The following DIS3L2 variants were observed in gnomAD, a reference collection of about 807,000 sequenced individuals.
DIS3L2 encodes the protein DIS3-like exonuclease 2.
DIS3L2 carries 34 observed loss-of-function variants against 97.5 expected under a neutral mutation model. The ratio of observed to expected loss-of-function variants is 0.35; its 90% CI spans 0.27 to 0.46. The LOEUF (loss-of-function observed/expected upper bound fraction) is 0.46, where lower values mean the gene tolerates loss of function less well. DIS3L2 is among the 20% of genes least tolerant of loss of function. The pLI, the probability that DIS3L2 is intolerant of heterozygous loss-of-function variation, is 1.00. For synonymous variants in DIS3L2, 435 were observed against 445.2 expected (o/e 0.98, Z 0.29); for missense variants, 1,038 against 1,146.0 (o/e 0.91, Z 1.36).
chr2:232,169,996 A>G (rs1233130608), intron 9 of DIS3L2, among the ~76,000 whole-genome samples: 2 of 152,148 alleles, frequency 1.3e-5, no homozygotes, highest in Non-Finnish European at 2.9e-5. Flanking sequence ...AGCCCTCCTG[A>G]TTGGGGTCAC....
rs537106330 is a variant in DIS3L2, at chr2:231,980,709, A to AG, written c.-94+18944_-94+18945insG. Among the ~76,000 whole-genome samples the AG allele has an allele frequency of 3.5e-3, 533 of 150,374 alleles. 3 individuals are homozygous for AG. The highest frequency in any genetic ancestry group is 7.9e-3 in the African/African-American group (323 of 41,066). ...CAAGACTCCGTCTCGAGAGAGAGAGAAAAAAAAAAGATAAGCTTGTTAATT... is the reference window on the plus strand; with the variant it reads ...CAAGACTCCGTCTCGAGAGAGAGAGAGAAAAAAAAAGATAAGCTTGTTAATT... On this transcript the variant is annotated intron_variant, in intron 1 of 20. Transcript: ENST00000325385.
At chr2:232,017,753 G>T (rs932360496) in intron 3 of DIS3L2, among the ~76,000 whole-genome samples, 1 of 152,154 alleles carries the variant, frequency 6.6e-6, no homozygotes, top group Admixed American at 6.6e-5. Flanking sequence ...TTCTCCTGCT[G>T]CCTTGATGTA....
chr2:232,146,366 A>G (rs1414741634), intron 8 of DIS3L2, among the ~76,000 whole-genome samples: 3 of 152,186 alleles, frequency 2.0e-5, no homozygotes, highest in Non-Finnish European at 4.4e-5. Flanking sequence ...AATAGTTTGT[A>G]GTAGGATGCT....
Position 232,333,979 on chromosome 2 carries a change from C to T in DIS3L2, c.2150C>T (p.Ala717Val). The change falls in exon 17 of 21, where the codon GCC becomes GTC. Residue 717 changes from alanine (A) to valine (V), a missense_variant. By Grantham distance (64) the Ala-to-Val change is moderately conservative (BLOSUM62 0). Coordinates refer to ENST00000325385, the MANE Select transcript of DIS3L2 (RefSeq NM_152383.5). ...ADVLVHRLLAAALGYRERLDM... is the reference protein window; with the variant it reads ...ADVLVHRLLAVALGYRERLDM... ...GTCCTGGTGCACCGCCTCCTGGCTG[C>T]CGCGTTAGGTGAGGGGTGCAGTCGG... 2 of 1,610,598 alleles carry T rather than the reference C, an allele frequency of 1.2e-6. No individual in the cohort carries two copies. Among genetic ancestry groups the T allele is most frequent in the South Asian group, 1.1e-5 (1 of 90,786 alleles).
rs527252980 is a variant in DIS3L2 at position 231,998,733 on chromosome 2, T to C, written c.-93-16102T>C. On this transcript the variant is annotated intron_variant, in intron 1 of 20. Coordinates refer to ENST00000325385, the MANE Select transcript of DIS3L2 (RefSeq NM_152383.5). ...GATGAATACACATTAATTAGTATGA[T>C]GATGGTTGCCAATGGTAATTTTCTA... Among the ~76,000 whole-genome samples the C allele has an allele frequency of 2.6e-5, 4 of 152,344 alleles. No homozygotes were observed. In the South Asian group the frequency reaches 8.3e-4, roughly 32 times the overall value.
intron 10 of DIS3L2, among the ~76,000 whole-genome samples, chr2:232,216,169 G>A (rs900217639): frequency 6.6e-6 from 1 of 152,098 alleles, no homozygotes; most frequent in African/African-American, 2.4e-5. Context: ...CTCACTTCCC[G>A]TGTATTCCTT....
At chr2:232,073,057 T>G (rs941269760) in intron 5 of DIS3L2, among the ~76,000 whole-genome samples, 1 of 152,180 alleles carries the variant, frequency 6.6e-6, no homozygotes, top group Non-Finnish European at 1.5e-5. Flanking sequence ...TAAATGATAG[T>G]GCCCATAGTT....
chr2:232,000,952 C>T (rs1207614142), intron 1 of DIS3L2, among the ~76,000 whole-genome samples: 1 of 151,624 alleles, frequency 6.6e-6, no homozygotes, highest in Non-Finnish European at 1.5e-5. Flanking sequence ...AATCCATTCA[C>T]CCTTGCTGAG....
intron 11 of DIS3L2, among the ~76,000 whole-genome samples, chr2:232,247,643 G>GGGGGGA (rs1693298399): frequency 1.9e-5 from 1 of 53,836 alleles, no homozygotes; most frequent in African/African-American, 6.1e-5. Flanking sequence ...GGGCGGGGGG[G>GGGGGGA]AGGGTGCCAA....
intron 1 of DIS3L2, among the ~76,000 whole-genome samples, chr2:231,993,926 T>G (rs1184106745): frequency 6.6e-6 from 1 of 152,164 alleles, no homozygotes; most frequent in Non-Finnish European, 1.5e-5. Flanking sequence ...ATCATGCTTT[T>G]CATGTCCTAA....
At chr2:232,309,325 A>G (rs1695063456) in intron 14 of DIS3L2, among the ~76,000 whole-genome samples, 1 of 152,138 alleles carries the variant, frequency 6.6e-6, no homozygotes, top group African/African-American at 2.4e-5. Flanking sequence ...AGAGAAGCAG[A>G]TGCTGAGATG....
At chr2:232,052,204 A>G (rs966947643) in intron 5 of DIS3L2, among the ~76,000 whole-genome samples, 10 of 151,986 alleles carry the variant, frequency 6.6e-5, no homozygotes, top group Non-Finnish European at 1.0e-4. Flanking sequence ...TTGTATTTTT[A>G]GTAGAGACGG....
chr2:232,122,736 C>G (rs1697945890), intron 6 of DIS3L2, among the ~76,000 whole-genome samples: 1 of 151,862 alleles, frequency 6.6e-6, no homozygotes, highest in South Asian at 2.1e-4. Context: ...AAAACAAAAA[C>G]AAAACTCCAA....
intron 9 of DIS3L2, among the ~76,000 whole-genome samples, chr2:232,166,074 A>ATAAATAAATAAAT (rs1187699688): frequency 5.5e-4 from 41 of 75,000 alleles, no homozygotes; most frequent in Admixed American, 1.3e-4. Context: ...TGTCTCTACA[A>ATAAATAAATAAAT]TAAATAAATA....
chr2:232,026,363 T>G (rs999770641), intron 4 of DIS3L2, among the ~76,000 whole-genome samples: 2 of 152,134 alleles, frequency 1.3e-5, no homozygotes, highest in Non-Finnish European at 2.9e-5. Flanking sequence ...TGCTGAAACA[T>G]GGCTTCACCT....
At chr2:232,198,948 T>C (rs12616262) in intron 9 of DIS3L2, among the ~76,000 whole-genome samples, 84,024 of 152,162 alleles carry the variant, frequency 0.55, 26,314 homozygotes, top group East Asian at 0.82. Flanking sequence ...CCCCTTACTG[T>C]ATTCTAATGT....
Position 232,263,294 on chromosome 2 carries a change from A to G in DIS3L2, c.1513A>G (p.Thr505Ala), listed in dbSNP as rs1693766225. Residue 505 changes from threonine to alanine, a missense_variant, in exon 13 of 21, where the codon ACT becomes GCT. By Grantham distance (58) the Thr-to-Ala change is moderately conservative. Transcript: ENST00000325385. ...TGCACAGAGCATGATTGAAAGCCCA[A>G]CTGAGAAAATCCCTGCGAAAGAGCT... ...EHAQSMIESP[T>A]EKIPAKELPP... is the part of the protein sequence containing the mutation. 6.2e-7 allele frequency: 1 copy of G among 1,614,200 alleles called. No homozygotes were observed. The highest frequency in any genetic ancestry group is 8.5e-7 in the Non-Finnish European group (1 of 1,180,042).
At position 232,325,118 on chromosome 2, in the gene DIS3L2, C is replaced by T. The variant is rs1402978682; in HGVS notation, c.1740-4695C>T. ...GCAGATCGCTTTACCCCTTTCTCAT[C>T]TCATCACCTCTGAGCCCTGCCAGGG... On this transcript the variant is annotated intron_variant, in intron 14 of 20. Transcript: ENST00000325385. The surrounding 1 kb of genome is among the most constrained non-coding windows in gnomAD (Gnocchi z 4.6). Among the ~76,000 whole-genome samples the T allele has an allele frequency of 6.6e-6, 1 of 152,248 alleles. No individual in the cohort carries two copies. The highest frequency in any genetic ancestry group is 1.5e-5 in the Non-Finnish European group (1 of 68,054).
chr2:232,138,203 T>TA (rs1286360589), intron 8 of DIS3L2, among the ~76,000 whole-genome samples: 1 of 152,184 alleles, frequency 6.6e-6, no homozygotes, highest in African/African-American at 2.4e-5. Context: ...TTATTTTTTT[T>TA]ATAGCTGAGC....
Sources: allele counts gnomAD v4.1 joint callset (sites outside exome capture counted in the v4.1 genomes callset), GRCh38; gene constraint gnomAD v4.1.1; non-coding constraint Gnocchi (gnomAD v3.1); transcripts MANE v1.5; gene names NCBI Gene and HGNC (gene_info 2026-07-23, HGNC 2026-07-21).